The following CPNE8 variants were observed in gnomAD, a reference collection of about 807,000 sequenced individuals.
The protein encoded by CPNE8 is copine 8, also known as copine-8.
In CPNE8, 45 loss-of-function variants were observed where a neutral mutation model predicts 81.5. That is an observed-to-expected ratio of 0.55 (90% CI 0.44 to 0.71). CPNE8 has a LOEUF of 0.71. Ranked by LOEUF, CPNE8 falls within the 30% of genes least tolerant of loss-of-function variation. The pLI is 0.00. For missense variants in CPNE8, 594 were observed against 672.1 expected (o/e 0.88, Z 1.28); for synonymous variants, 252 against 226.3 (o/e 1.11, Z -1.02).
intron 15 of CPNE8, among the ~76,000 whole-genome samples, chr12:38,688,407 A>G (rs1400421809): frequency 6.6e-6 from 1 of 152,226 alleles, no homozygotes; most frequent in South Asian, 2.1e-4. Flanking sequence ...TCTGGATTAT[A>G]TCAGGATTAT....
At chr12:38,661,362 A>T (rs1203386061) in intron 19 of CPNE8, among the ~76,000 whole-genome samples, 2 of 152,216 alleles carry the variant, frequency 1.3e-5, no homozygotes, top group Non-Finnish European at 2.9e-5. Context: ...ACAAGGACAG[A>T]AAACCAAACA....
At chr12:38,805,586 C>G (rs1175417606) in intron 6 of CPNE8, among the ~76,000 whole-genome samples, 2 of 103,190 alleles carry the variant, frequency 1.9e-5, no homozygotes, top group African/African-American at 7.2e-5. Flanking sequence ...GGGTGCAGCG[C>G]ACCAGCATGG....
chr12:38,891,818 T>G (rs993074730), intron 1 of CPNE8, among the ~76,000 whole-genome samples: 1 of 152,266 alleles, frequency 6.6e-6, no homozygotes, highest in Non-Finnish European at 1.5e-5. Flanking sequence ...GATGTCCACA[T>G]TCATTCTTCC....
chr12:38,839,120 TA>T (rs1258137044), intron 5 of CPNE8, among the ~76,000 whole-genome samples: 2 of 152,170 alleles, frequency 1.3e-5, no homozygotes, highest in Non-Finnish European at 2.9e-5. Context: ...GCACCTCAGT[TA>T]TCTCCTTTCA....
chr12:38,742,041 T>G (rs887216567), intron 10 of CPNE8, among the ~76,000 whole-genome samples: 2 of 152,228 alleles, frequency 1.3e-5, no homozygotes, highest in Non-Finnish European at 2.9e-5. Flanking sequence ...CTGGAGAGGA[T>G]GTGGAGAAAT....
chr12:38,779,672 A>C (rs826884), intron 6 of CPNE8, among the ~76,000 whole-genome samples: 14,290 of 152,080 alleles, frequency 0.094, 819 homozygotes, highest in East Asian at 0.3. Context: ...TTCCCTTCAA[A>C]TTACATCTCA....
chr12:38,660,850 T>TTA lies in CPNE8; in HGVS notation c.1507-6781_1507-6780insTA, dbSNP rs1938935733. 3.9e-5 allele frequency among the ~76,000 whole-genome samples: 6 copies of TTA among 152,286 alleles called. No homozygotes were observed. In the East Asian group the frequency reaches 9.6e-4, roughly 24 times the overall value. ...GACATTTATGCAGCCAACAGACATATGAAAAAATGCTAATCATCACTGGTC... is the reference window on the plus strand; with the variant it reads ...GACATTTATGCAGCCAACAGACATATTAGAAAAAATGCTAATCATCACTGGTC... On this transcript the variant is annotated intron_variant, in intron 19 of 19. Coordinates refer to ENST00000331366, the MANE Select transcript of CPNE8 (RefSeq NM_153634.3).
chr12:38,675,072 C>T (rs915289337), intron 18 of CPNE8, among the ~76,000 whole-genome samples: 3 of 152,164 alleles, frequency 2.0e-5, no homozygotes, highest in African/African-American at 7.2e-5. Context: ...AAACATTTGT[C>T]TCTTAATGGG....
chr12:38,760,275 A>G (rs1371000592), intron 10 of CPNE8, among the ~76,000 whole-genome samples: 1 of 152,010 alleles, frequency 6.6e-6, no homozygotes, highest in Non-Finnish European at 1.5e-5. Flanking sequence ...AGATGACAGT[A>G]GAAACAAAAT....
intron 6 of CPNE8, among the ~76,000 whole-genome samples, chr12:38,787,679 A>C (rs1032002271): frequency 2.0e-5 from 3 of 151,762 alleles, no homozygotes; most frequent in African/African-American, 7.2e-5. Flanking sequence ...TGAAAAGTTA[A>C]ACAAAATCAA....
chr12:38,783,678 G>C (rs541893334), intron 6 of CPNE8, among the ~76,000 whole-genome samples: 1 of 152,170 alleles, frequency 6.6e-6, no homozygotes, highest in Non-Finnish European at 1.5e-5. Flanking sequence ...AAGAAAGAGA[G>C]ACCCTGTTTG....
chr12:38,677,578 G>A, intron 16 of CPNE8, 24 bp from the exon 17 acceptor site: 1 of 1,424,210 alleles, frequency 7.0e-7, no homozygotes, highest in Non-Finnish European at 9.9e-7. Context: ...AAAAGGTAAG[G>A]AAAGTAAAAC....
Position 38,866,583 on chromosome 12 carries a change from T to C in CPNE8, c.186+6421A>G, listed in dbSNP as rs574536212. Among the ~76,000 whole-genome samples the C allele has an allele frequency of 1.6e-4, 23 of 147,404 alleles. 1 individual carries two copies. The South Asian group carries it at 1.9e-3, about 12-fold the overall frequency. Reference sequence around the variant, plus strand: ...ATGAGTATCCCTAAGCCTTAAGAGATATATAACATGTTTTCAATTGATGCT... The same window carrying C: ...ATGAGTATCCCTAAGCCTTAAGAGACATATAACATGTTTTCAATTGATGCT... On this transcript the variant is annotated intron_variant, in intron 3 of 19. Coordinates refer to ENST00000331366, the MANE Select transcript of CPNE8 (RefSeq NM_153634.3).
chr12:38,661,447 G>T (rs959932436), intron 19 of CPNE8, among the ~76,000 whole-genome samples: 1 of 152,046 alleles, frequency 6.6e-6, no homozygotes, highest in Admixed American at 6.6e-5. Context: ...ATCACACACT[G>T]GGGCCTGTTG....
chr12:38,793,513 A>T (rs1942378527), intron 6 of CPNE8, among the ~76,000 whole-genome samples: 1 of 151,960 alleles, frequency 6.6e-6, no homozygotes, highest in Non-Finnish European at 1.5e-5. Context: ...AAACCTAACC[A>T]AGAAGTGAAA....
At chr12:38,834,639 A>T (rs1943351999) in intron 5 of CPNE8, among the ~76,000 whole-genome samples, 1 of 152,142 alleles carries the variant, frequency 6.6e-6, no homozygotes, top group South Asian at 2.1e-4. Flanking sequence ...TTGCTTCCTC[A>T]ACCCCATTCT....
intron 16 of CPNE8, chr12:38,679,573 A>T: frequency 1.0e-6 from 1 of 984,878 alleles, no homozygotes; most frequent in Non-Finnish European, 1.2e-6. Context: ...TTGAAAATCA[A>T]TTACATTTTA....
chr12:38,777,868 T>C (rs1157460348), intron 6 of CPNE8, among the ~76,000 whole-genome samples: 1 of 152,180 alleles, frequency 6.6e-6, no homozygotes, highest in Non-Finnish European at 1.5e-5. Flanking sequence ...TCCCCATCGC[T>C]GGCATTACTA....
At position 38,887,110 on chromosome 12, in the gene CPNE8, A is replaced by G. The variant is rs895290052; in HGVS notation, c.99-12599T>C. Among the ~76,000 whole-genome samples the G allele has an allele frequency of 3.1e-4, 47 of 152,220 alleles. 1 individual carries two copies. The highest frequency in any genetic ancestry group is 3.0e-3 in the Admixed American group (46 of 15,280). The stretch of plus-strand genomic sequence containing the variant: ...ATACAGGGTTACAGGGACAGCAGAC[A>G]GCAAGGTCTCATGCCAGGCCTTGTA... On this transcript the variant is annotated intron_variant, in intron 1 of 19. Transcript: ENST00000331366.
Sources: gnomAD v4.1 joint callset for allele counts (sites outside exome capture counted in the v4.1 genomes callset) on GRCh38, gnomAD v4.1.1 for gene constraint, MANE v1.5 for transcripts, NCBI Gene and HGNC (gene_info 2026-07-23, HGNC 2026-07-21) for gene names.